The following SHB variants were observed in gnomAD, a reference collection of about 807,000 sequenced individuals.
SHB encodes the protein SH2 domain-containing adapter protein B.
In SHB, 20 loss-of-function variants were observed where a neutral mutation model predicts 52.3. The ratio of observed to expected loss-of-function variants is 0.38; its 90% confidence interval spans 0.27 to 0.56. The LOEUF (loss-of-function observed/expected upper bound fraction) is 0.56, where lower values mean the gene tolerates loss of function less well. Among genes scored for constraint, SHB ranks in the 20% least tolerant of loss-of-function variants. SHB has a pLI of 0.71. For synonymous variants in SHB, 397 were observed against 316.5 expected (o/e 1.25, Z -2.70); for missense variants, 825 against 723.3 (o/e 1.14, Z -1.61).
At chr9:37,964,523 G>A (rs894312763) in intron 3 of SHB, among the ~76,000 whole-genome samples, 1 of 152,126 alleles carries the variant, frequency 6.6e-6, no homozygotes, top group African/African-American at 2.4e-5. Flanking sequence ...CCCGAACGCA[G>A]AGGCCTCTAC....
In SHB at chr9:38,068,015, T is replaced by C; in HGVS notation, c.631A>G (p.Ser211Gly). 1 of 1,517,996 alleles carries C rather than the reference T, an allele frequency of 6.6e-7. No homozygotes were observed. The highest frequency in any genetic ancestry group is 8.8e-7 in the Non-Finnish European group (1 of 1,141,278). 94.0% of individuals were successfully genotyped at this position (1,517,996 alleles called of 1,614,324 possible). A position where few individuals can be genotyped will look rare whatever the true frequency, so the allele number is the denominator to read the frequency against. The change falls in exon 1 of 6, where the codon AGC becomes GGC. Residue 211 changes from serine (S) to glycine (G), a missense_variant. Physicochemically the swap from Ser to Gly is moderately conservative, Grantham distance 56. Transcript: ENST00000377707. Reference sequence around the variant, plus strand: ...TTCTTGCCTCCGCAGGCCGTCGGGCTCCAGGTGCGGCCGCCCGCGCAGGCG... The same window carrying C: ...TTCTTGCCTCCGCAGGCCGTCGGGCCCCAGGTGCGGCCGCCCGCGCAGGCG... The part of the protein sequence containing the change: ...GGACAGGRTW[S>G]PTACGGKKLL...
intron 4 of SHB, among the ~76,000 whole-genome samples, chr9:37,952,590 C>T (rs1176407754): frequency 1.3e-5 from 2 of 152,142 alleles, no homozygotes. Flanking sequence ...CCAGAGGAGA[C>T]AAGTCAGGAT....
intron 1 of SHB, among the ~76,000 whole-genome samples, chr9:38,059,059 T>C (rs938000315): frequency 6.6e-6 from 1 of 152,160 alleles, no homozygotes; most frequent in Non-Finnish European, 1.5e-5. Flanking sequence ...CATGGCTCTA[T>C]TCCCAGCACC....
At chr9:38,014,035 C>T (rs2118072437) in intron 2 of SHB, among the ~76,000 whole-genome samples, 1 of 152,312 alleles carries the variant, frequency 6.6e-6, no homozygotes, top group East Asian at 1.9e-4. Flanking sequence ...CTAGGTGCCC[C>T]AGCATCTGAT....
At chr9:37,925,964 C>T (rs1832246315) in intron 5 of SHB, among the ~76,000 whole-genome samples, 1 of 152,176 alleles carries the variant, frequency 6.6e-6, no homozygotes, top group South Asian at 2.1e-4. Context: ...TCCCTGGGAG[C>T]ACTGCCTCTA....
At chr9:37,964,702 T>A (rs918943710) in intron 3 of SHB, among the ~76,000 whole-genome samples, 2 of 152,174 alleles carry the variant, frequency 1.3e-5, no homozygotes. Context: ...ATAAACCCTG[T>A]GTGAGTGCAA....
At chr9:37,956,129 C>CA (rs1554700315) in intron 3 of SHB, 75 bp from the exon 4 acceptor site, 9 of 1,380,770 alleles carry the variant, frequency 6.5e-6, no homozygotes, top group Non-Finnish European at 9.0e-6. Flanking sequence ...AGAAGGGTAA[C>CA]GTTCAGCTGG....
chr9:38,069,106 G>C lies in SHB; in HGVS notation c.-461C>G, dbSNP rs934549725. On this transcript the variant is annotated 5_prime_UTR_variant, in exon 1 of 6. Coordinates refer to ENST00000377707, the MANE Select transcript of SHB (RefSeq NM_003028.3). ...TTCCTTCCTGCGAGCGCTGGGGAGAGCTCGGCCCCGCAGCGGAGGAGAATG... is the reference window on the plus strand; with the variant it reads ...TTCCTTCCTGCGAGCGCTGGGGAGACCTCGGCCCCGCAGCGGAGGAGAATG... 3 of 151,702 alleles carry C rather than the reference G, an allele frequency of 2.0e-5. No individual in the cohort carries two copies. Among genetic ancestry groups the C allele is most frequent in the Admixed American group, 6.5e-5 (1 of 15,268 alleles). 9.4% of individuals were successfully genotyped at this position (151,702 alleles called of 1,614,324 possible).
intron 3 of SHB, among the ~76,000 whole-genome samples, chr9:37,968,797 T>C (rs1820560981): frequency 6.6e-6 from 1 of 152,228 alleles, no homozygotes; most frequent in South Asian, 2.1e-4. Flanking sequence ...GTCATTCCTC[T>C]ATGTATGGCC....
chr9:37,991,714 C>A (rs1820884019), intron 2 of SHB, among the ~76,000 whole-genome samples: 2 of 152,144 alleles, frequency 1.3e-5, no homozygotes, highest in African/African-American at 4.8e-5. Flanking sequence ...AGCTTGATAC[C>A]CTCTAAGTCA....
chr9:37,940,726 T>C (rs1393366425), intron 5 of SHB, among the ~76,000 whole-genome samples: 1 of 152,226 alleles, frequency 6.6e-6, no homozygotes, highest in African/African-American at 2.4e-5. Flanking sequence ...TTCAAGATAT[T>C]GGACCAGAAA....
chr9:37,945,212 C>G (rs2117880914), intron 5 of SHB, among the ~76,000 whole-genome samples: 1 of 152,356 alleles, frequency 6.6e-6, no homozygotes, highest in Middle Eastern at 3.4e-3. Context: ...CACCAAGCTC[C>G]TGACAGTGTC....
chr9:37,959,563 G>A (rs972955390), intron 3 of SHB, among the ~76,000 whole-genome samples: 1 of 152,108 alleles, frequency 6.6e-6, no homozygotes, highest in African/African-American at 2.4e-5. Context: ...ATCAGGATTG[G>A]GGGATTTCTG....
chr9:38,008,333 G>A (rs766351842), intron 2 of SHB, among the ~76,000 whole-genome samples: 1 of 152,358 alleles, frequency 6.6e-6, no homozygotes, highest in Admixed American at 6.5e-5. Flanking sequence ...CCACAGCTCT[G>A]CGGGTGAGCA....
Position 38,067,962 on chromosome 9 carries a change from G to T in SHB, c.684C>A (p.Ala228=). The T allele has an allele frequency of 6.4e-7, 1 of 1,551,294 alleles. No homozygotes were observed. The change falls in exon 1 of 6, where the codon GCC becomes GCA. Residue 228 remains alanine, a synonymous_variant. Transcript: ENST00000377707. ...KKLLNKCAAS[A]AEESGAGKKD... Reference sequence around the variant, plus strand: ...TCTTGCCGGCCCCGCTCTCCTCCGCGGCTGAGGCGGCGCACTTGTTGAGCA... The same window carrying T: ...TCTTGCCGGCCCCGCTCTCCTCCGCTGCTGAGGCGGCGCACTTGTTGAGCA...
chr9:38,040,906 G>C (rs1821566907), intron 1 of SHB, among the ~76,000 whole-genome samples: 1 of 151,800 alleles, frequency 6.6e-6, no homozygotes, highest in Non-Finnish European at 1.5e-5. Context: ...AGGGTGCGGG[G>C]TGGGGTTAGG....
Position 37,955,973 on chromosome 9 carries a change from C to T in SHB, c.1136G>A (p.Gly379Glu), listed in dbSNP as rs1378002304. Residue 379 changes from glycine (G) to glutamate (E), a missense_variant, in exon 4 of 6, where the codon GGG (glycine) becomes GAG (glutamate). Physicochemically the swap from Gly to Glu is moderately conservative, Grantham distance 98 (BLOSUM62 -2). Transcript: ENST00000377707. ...CCCATGTTTGATAGGCTTAAAGCCC[C>T]CTCCAGGGGCACGAAGCTGGCGCCG... is the stretch of plus-strand genomic sequence containing the variant. ...DRRRQLRAPG[G>E]GFKPIKHGSP... The T allele has an allele frequency of 6.2e-7, 1 of 1,608,848 alleles. No individual in the cohort carries two copies. Among genetic ancestry groups the T allele is most frequent in the East Asian group, 2.2e-5 (1 of 44,752 alleles).
At chr9:38,003,364 C>A (rs140600506) in intron 2 of SHB, among the ~76,000 whole-genome samples, 3 of 152,052 alleles carry the variant, frequency 2.0e-5, no homozygotes, top group African/African-American at 7.2e-5. Context: ...ATGCCCCTCG[C>A]TGCAACCGCT....
rs550131216 is a variant in SHB at position 38,043,614 on chromosome 9, G to A, written c.717+24315C>T. On this transcript the variant is annotated intron_variant, in intron 1 of 5. Coordinates refer to ENST00000377707, the MANE Select transcript of SHB (RefSeq NM_003028.3). Reference sequence around the variant, plus strand: ...CATAGAAATCATCCACCCTGGCCGGGTGCAGTGGCTCACACCTGTAATCCC... The same window carrying A: ...CATAGAAATCATCCACCCTGGCCGGATGCAGTGGCTCACACCTGTAATCCC... 5.9e-5 allele frequency among the ~76,000 whole-genome samples: 9 copies of A among 152,316 alleles called. No homozygotes were observed. In the South Asian group the frequency reaches 1.9e-3, roughly 32 times the overall value.
Sources: allele counts gnomAD v4.1 joint callset (sites outside exome capture counted in the v4.1 genomes callset), GRCh38; gene constraint gnomAD v4.1.1; transcripts MANE v1.5; gene names NCBI Gene and HGNC (gene_info 2026-07-23, HGNC 2026-07-21).